TPD52L2: variants seen among roughly 807,000 people sequenced by gnomAD.
TPD52L2 encodes the protein tumor protein D54.
In TPD52L2, 19 loss-of-function variants were observed where a neutral mutation model predicts 24.7. The ratio of observed to expected loss-of-function variants is 0.77; its 90% confidence interval spans 0.54 to 1.13. The LOEUF (loss-of-function observed/expected upper bound fraction) is 1.13. Among genes scored for constraint, TPD52L2 ranks in the 50% most tolerant of loss-of-function variants. The pLI, the probability that TPD52L2 is intolerant of heterozygous loss-of-function variation, is 0.00. For missense variants in TPD52L2, 236 were observed against 250.4 expected, an observed-to-expected ratio of 0.94 and a Z score of 0.39; for synonymous variants, 104 against 100.2, an observed-to-expected ratio of 1.04 and a Z score of -0.23.
chr20:63,886,037 C>T (rs1006076120), intron 5 of TPD52L2: 52 of 1,614,050 alleles, frequency 3.2e-5, no homozygotes, highest in Non-Finnish European at 4.4e-5. Flanking sequence ...TTTCACACTC[C>T]TTTAGGTAAG....
At chr20:63,876,189 G>A (rs766923771) in intron 4 of TPD52L2, among the ~76,000 whole-genome samples, 2 of 152,152 alleles carry the variant, frequency 1.3e-5, no homozygotes, top group Non-Finnish European at 2.9e-5. Context: ...CTTGGCTTCC[G>A]GCAGTGCACA....
At chr20:63,869,504 G>C in intron 2 of TPD52L2, 63 bp downstream of exon 2, 7 of 1,600,158 alleles carry the variant, frequency 4.4e-6, no homozygotes, top group Non-Finnish European at 1.7e-6. Context: ...GGATTAGTGA[G>C]AGGCCAGGGT....
chr20:63,883,355 C>G (rs1483511510), intron 5 of TPD52L2, among the ~76,000 whole-genome samples: 6 of 152,188 alleles, frequency 3.9e-5, no homozygotes, highest in Non-Finnish European at 1.5e-5. Flanking sequence ...AAGGAGTGAG[C>G]AGGGGGCCGG....
At chr20:63,879,660 G>C (rs1261512218) in intron 4 of TPD52L2, among the ~76,000 whole-genome samples, 2 of 125,658 alleles carry the variant, frequency 1.6e-5, no homozygotes, top group Admixed American at 8.0e-5. Context: ...CCCACTCTTA[G>C]GGCACAAATG....
intron 1 of TPD52L2, among the ~76,000 whole-genome samples, chr20:63,868,310 T>C (rs6062559): frequency 0.044 from 6,769 of 152,330 alleles, 380 homozygotes; most frequent in East Asian, 0.25. Context: ...ACTGTTTTTC[T>C]TTATGTGAAA....
chr20:63,886,464 C>T (rs977448454), intron 5 of TPD52L2, among the ~76,000 whole-genome samples: 16 of 151,796 alleles, frequency 1.1e-4, no homozygotes, highest in Non-Finnish European at 2.2e-4. Context: ...GGGTTCACGC[C>T]ATTCTCCTGC....
chr20:63,868,061 C>T (rs1403340949), intron 1 of TPD52L2, among the ~76,000 whole-genome samples: 2 of 151,562 alleles, frequency 1.3e-5, no homozygotes, highest in East Asian at 1.9e-4. Flanking sequence ...ACTACAGGCG[C>T]GTGCCACCAC....
rs2052735793 is a variant in TPD52L2, at chr20:63,877,592, A to C, written c.374+1717A>C. Among the ~76,000 whole-genome samples the C allele has an allele frequency of 6.6e-6, 1 of 152,388 alleles. No individual in the cohort carries two copies. The highest frequency in any genetic ancestry group is 1.9e-4 in the East Asian group (1 of 5,194). Reference sequence around the variant, plus strand: ...CAGTTTGGGCATCAGGCGGACGCACAGTGCAGACTCAGTCTGAAAATAGTC... The same window carrying C: ...CAGTTTGGGCATCAGGCGGACGCACCGTGCAGACTCAGTCTGAAAATAGTC... On this transcript the variant is annotated intron_variant, in intron 4 of 6. Coordinates refer to ENST00000346249, the MANE Select transcript of TPD52L2 (RefSeq NM_003288.4). The surrounding 1 kb of genome is among the most constrained non-coding windows in gnomAD (Gnocchi z 4.1).
intron 5 of TPD52L2, chr20:63,888,916 G>A (rs906491265): frequency 3.7e-6 from 2 of 543,106 alleles, no homozygotes; most frequent in Non-Finnish European, 6.7e-6. Context: ...ATGACAGAGA[G>A]GGGCCGACAT....
At position 63,887,335 on chromosome 20, in the gene TPD52L2, C is replaced by T. The variant is rs6011203; in HGVS notation, c.477-1855C>T. On this transcript the variant is annotated intron_variant, in intron 5 of 6. Transcript: ENST00000346249. ...CAGCTTCCTATGGCAGTGCTCTCCC[C>T]CCTCCCAGTGCTATGCGCTGGGCAA... 4.0e-3 allele frequency: 2,576 copies of T among 644,310 alleles called. 62 individuals are homozygous for T. In the African/African-American group the frequency reaches 0.042, roughly 10 times the overall value. The allele number at this position is 644,310 out of a possible 1,614,324, so 39.9% of individuals were successfully genotyped here. A position where few individuals can be genotyped will look rare whatever the true frequency, so the allele number is the denominator to read the frequency against.
At chr20:63,887,503 G>T (rs1449636913) in intron 5 of TPD52L2, 9 of 1,577,562 alleles carry the variant, frequency 5.7e-6, no homozygotes, top group Non-Finnish European at 7.8e-6. Flanking sequence ...AGTTGGGGTT[G>T]TGTGTGGATC....
chr20:63,889,444 A>G (rs1213556764), intron 6 of TPD52L2, among the ~76,000 whole-genome samples: 1 of 151,952 alleles, frequency 6.6e-6, no homozygotes, highest in Middle Eastern at 3.2e-3. Context: ...GGACATTGGC[A>G]CTGACTCAGG....
In TPD52L2 at chr20:63,890,025, GC is replaced by G; in HGVS notation, c.*82del. On this transcript the variant is annotated 3_prime_UTR_variant, in exon 7 of 7. Coordinates refer to ENST00000346249, the MANE Select transcript of TPD52L2 (RefSeq NM_003288.4). ...AGCCGCAGCTCTGTTCAGCGGAGCA[GC>G]CAGCCAGGGCGGATGAGCAGAGCCG... is the stretch of plus-strand genomic sequence containing the variant. 1 of 1,589,064 alleles carries G rather than the reference GC, an allele frequency of 6.3e-7. No individual in the cohort carries two copies. Among genetic ancestry groups the G allele is most frequent in the Non-Finnish European group, 8.6e-7 (1 of 1,168,860 alleles).
chr20:63,865,439 C>T (rs757572720), intron 1 of TPD52L2, 55 bp downstream of exon 1: 6 of 1,495,668 alleles, frequency 4.0e-6, no homozygotes, highest in South Asian at 3.8e-5. Flanking sequence ...GCCCGTTGTT[C>T]TCCGTCTCCC....
At position 63,886,174 on chromosome 20, in the gene TPD52L2, G is replaced by A. The variant is rs765516022; in HGVS notation, c.477-3016G>A. ...TGGGATCACCCCTTCCAGGACAGCA[G>A]TGCCAGCCAGGTGGTTGCTGCATCT... On this transcript the variant is annotated intron_variant, in intron 5 of 6. Coordinates refer to ENST00000346249, the MANE Select transcript of TPD52L2 (RefSeq NM_003288.4). 2.9e-5 allele frequency: 26 copies of A among 884,828 alleles called. 1 individual carries two copies. The highest frequency in any genetic ancestry group is 4.7e-5 in the Non-Finnish European group (25 of 535,654). The allele number at this position is 884,828 out of a possible 1,614,324, so 54.8% of individuals were successfully genotyped here. A position where few individuals can be genotyped will look rare whatever the true frequency, so the allele number is the denominator to read the frequency against.
intron 2 of TPD52L2, among the ~76,000 whole-genome samples, chr20:63,871,169 A>G (rs557141912): frequency 2.7e-5 from 4 of 150,102 alleles, no homozygotes; most frequent in Admixed American, 2.7e-4. Context: ...CAGCCTCCCA[A>G]GTAGGTGGGA....
At position 63,873,659 on chromosome 20, in the gene TPD52L2, G is replaced by C; in HGVS notation, c.166-9G>C. 2 of 1,611,366 alleles carry C rather than the reference G, an allele frequency of 1.2e-6. No homozygotes were observed. The highest frequency in any genetic ancestry group is 1.7e-6 in the Non-Finnish European group (2 of 1,178,994). On this transcript the variant is annotated splice_polypyrimidine_tract_variant and intron_variant, in intron 2 of 6. Transcript: ENST00000346249. ...TGATGGCTCATCATGTCAACTGCAT[G>C]CTTTGCAGGTGGAAGAGGAAATTGT...
At position 63,891,257 on chromosome 20, in the gene TPD52L2, G is replaced by GGGGAA. The variant is rs2053310255; in HGVS notation, c.*1316_*1320dup. 6.5e-6 allele frequency: 1 copy of GGGGAA among 152,808 alleles called. No homozygotes were observed. The highest frequency in any genetic ancestry group is 1.5e-5 in the Non-Finnish European group (1 of 68,136). 9.5% of individuals were successfully genotyped at this position (152,808 alleles called of 1,614,324 possible). ...GTGCCCGGCTCTGCCACTCCCGGGA[G>GGGGAA]GGGAAGGGCTGCTCAGCTCAAGGTG... On this transcript the variant is annotated 3_prime_UTR_variant, in exon 7 of 7. Transcript: ENST00000346249. The surrounding 1 kb of genome is among the most constrained non-coding windows in gnomAD (Gnocchi z 4.7).
intron 4 of TPD52L2, among the ~76,000 whole-genome samples, chr20:63,881,694 G>GT (rs2052906084): frequency 6.6e-6 from 1 of 152,232 alleles, no homozygotes; most frequent in Non-Finnish European, 1.5e-5. Context: ...GTTGGCACTG[G>GT]TAACGCCAAG....
Sources: allele counts gnomAD v4.1 joint callset (sites outside exome capture counted in the v4.1 genomes callset), GRCh38; gene constraint gnomAD v4.1.1; non-coding constraint Gnocchi (gnomAD v3.1); transcripts MANE v1.5; gene names NCBI Gene and HGNC (gene_info 2026-07-23, HGNC 2026-07-21).